Variants in ITGBL1 observed in about 807,000 individuals in gnomAD.
ITGBL1 encodes integrin beta-like protein 1.
Under a neutral mutation model 68.5 loss-of-function variants are expected in ITGBL1, and 51 were observed. The ratio of observed to expected loss-of-function variants is 0.74; its 90% CI spans 0.59 to 0.94. The LOEUF is 0.94. Among genes scored for constraint, ITGBL1 ranks in the 40% least tolerant of loss-of-function variants. The probability of loss-of-function intolerance (pLI) is 0.00; values close to 1 mark genes in which losing one functional copy is unlikely to be tolerated. For missense variants in ITGBL1, 649 were observed against 647.4 expected (o/e 1.00, Z -0.03); for synonymous variants, 209 against 227.3 (o/e 0.92, Z 0.72).
At chr13:101,596,664 C>T (rs1233822587) in intron 6 of ITGBL1, among the ~76,000 whole-genome samples, 4 of 151,946 alleles carry the variant, frequency 2.6e-5, no homozygotes, top group African/African-American at 4.8e-5. Context: ...CCAGTTTGAC[C>T]GTGGTTGTGA....
intron 8 of ITGBL1, among the ~76,000 whole-genome samples, chr13:101,702,175 C>T (rs1026793174): frequency 6.6e-6 from 1 of 152,016 alleles, no homozygotes; most frequent in Non-Finnish European, 1.5e-5. Context: ...TATTATTATC[C>T]TTTTAATGTC....
chr13:101,577,385 A>C lies in ITGBL1; in HGVS notation c.586+1839A>C, dbSNP rs548120522. Among the ~76,000 whole-genome samples, 209 of 152,278 alleles carry C rather than the reference A, an allele frequency of 1.4e-3. 2 individuals carry two copies. Among genetic ancestry groups the C allele is most frequent in the Non-Finnish European group, 2.6e-3 (176 of 68,008 alleles). On this transcript the variant is annotated intron_variant, in intron 4 of 10. Transcript: ENST00000376180. ...GTCCTAAAGCACACATTTTAATCTCAATTATTCAGATGTGTCTTGTTCAAT... is the reference window on the plus strand; with the variant it reads ...GTCCTAAAGCACACATTTTAATCTCCATTATTCAGATGTGTCTTGTTCAAT...
chr13:101,651,354 A>G (rs2032742605), intron 7 of ITGBL1, among the ~76,000 whole-genome samples: 1 of 152,144 alleles, frequency 6.6e-6, no homozygotes, highest in South Asian at 2.1e-4. Flanking sequence ...CTGGTACGAG[A>G]TGGTATCTCA....
Position 101,664,359 on chromosome 13 carries a change from T to G in ITGBL1, c.1016-28226T>G, listed in dbSNP as rs1451287075. ...CTTCCATAATGAACAATAGTCAAAA[T>G]GTATTATTTTGGGAAATCTTGAATC... On this transcript the variant is annotated intron_variant, in intron 7 of 10. Coordinates refer to ENST00000376180, the MANE Select transcript of ITGBL1 (RefSeq NM_004791.3). Among the ~76,000 whole-genome samples the G allele has an allele frequency of 2.6e-5, 4 of 152,166 alleles. No individual in the cohort carries two copies. The East Asian group carries it at 7.7e-4, about 29-fold the overall frequency.
chr13:101,462,665 C>T (rs922249347), intron 2 of ITGBL1, among the ~76,000 whole-genome samples: 3 of 152,148 alleles, frequency 2.0e-5, no homozygotes, highest in Non-Finnish European at 2.9e-5. Context: ...TCGCTGCAAC[C>T]TCCACCTCCC....
At chr13:101,560,714 C>G (rs1400198516) in intron 2 of ITGBL1, among the ~76,000 whole-genome samples, 1 of 152,118 alleles carries the variant, frequency 6.6e-6, no homozygotes, top group Non-Finnish European at 1.5e-5. Flanking sequence ...AGTAAACATT[C>G]CAAGTGGTTA....
Position 101,502,378 on chromosome 13 carries a change from T to C in ITGBL1, c.316+48278T>C, listed in dbSNP as rs79669289. 8.8e-3 allele frequency among the ~76,000 whole-genome samples: 1,343 copies of C among 152,304 alleles called. 6 individuals carry two copies. Among genetic ancestry groups the C allele is most frequent in the Non-Finnish European group, 0.015 (1,003 of 68,034 alleles). On this transcript the variant is annotated intron_variant, in intron 2 of 10. Transcript: ENST00000376180. ...CCATCCTAAGTTTGTTCTCACTCTC[T>C]TTCTTCAAAAGAGATCATTATCTTG...
intron 7 of ITGBL1, among the ~76,000 whole-genome samples, chr13:101,682,295 A>T (rs1280811631): frequency 6.6e-6 from 1 of 152,180 alleles, no homozygotes; most frequent in African/African-American, 2.4e-5. Flanking sequence ...ATTTTGTCTT[A>T]TACTTTAGAT....
intron 9 of ITGBL1, among the ~76,000 whole-genome samples, chr13:101,708,006 TCC>T (rs750627390): frequency 1.3e-5 from 2 of 149,620 alleles, no homozygotes; most frequent in African/African-American, 5.0e-5. Context: ...CTTCTCCATC[TCC>T]CATCCTACAC....
chr13:101,648,790 G>T (rs1388585307), intron 7 of ITGBL1, among the ~76,000 whole-genome samples: 2 of 152,022 alleles, frequency 1.3e-5, no homozygotes, highest in African/African-American at 2.4e-5. Flanking sequence ...TTCAAAAATT[G>T]ATCTACAGTA....
chr13:101,592,982 C>T (rs1433652852), intron 6 of ITGBL1, among the ~76,000 whole-genome samples: 1 of 151,854 alleles, frequency 6.6e-6, no homozygotes, highest in Non-Finnish European at 1.5e-5. Flanking sequence ...ACAAATAGAC[C>T]TACATAATGG....
intron 7 of ITGBL1, among the ~76,000 whole-genome samples, chr13:101,680,442 A>G (rs1325775687): frequency 6.6e-6 from 1 of 152,084 alleles, no homozygotes; most frequent in East Asian, 1.9e-4. Flanking sequence ...AAATAAGGTC[A>G]TGGAGAGTGT....
chr13:101,628,599 A>ATTT (rs34600896), intron 7 of ITGBL1, among the ~76,000 whole-genome samples: 7,090 of 140,654 alleles, frequency 0.05, 235 homozygotes, highest in East Asian at 0.17. Context: ...TACCCAGCTA[A>ATTT]TTTTTTTTTT....
At chr13:101,636,502 A>G (rs2032173372) in intron 7 of ITGBL1, among the ~76,000 whole-genome samples, 1 of 152,198 alleles carries the variant, frequency 6.6e-6, no homozygotes, top group South Asian at 2.1e-4. Context: ...TCAAACATGT[A>G]TAGACTATAG....
intron 2 of ITGBL1, among the ~76,000 whole-genome samples, chr13:101,503,753 A>C (rs2048981019): frequency 6.6e-6 from 1 of 152,154 alleles, no homozygotes; most frequent in Non-Finnish European, 1.5e-5. Context: ...AACTGTGGGG[A>C]AGTGATGAAT....
chr13:101,507,074 A>T (rs1727677404), intron 2 of ITGBL1, among the ~76,000 whole-genome samples: 3 of 152,208 alleles, frequency 2.0e-5, no homozygotes, highest in Admixed American at 2.0e-4. Flanking sequence ...AAAGGAATAC[A>T]TGTAGAGAAG....
intron 2 of ITGBL1, among the ~76,000 whole-genome samples, chr13:101,470,251 A>G (rs1002634233): frequency 6.6e-6 from 1 of 152,234 alleles, no homozygotes; most frequent in Non-Finnish European, 1.5e-5. Flanking sequence ...TTTCATATCC[A>G]TAAATAATTA....
chr13:101,479,002 G>A (rs1489762273), intron 2 of ITGBL1, among the ~76,000 whole-genome samples: 2 of 151,860 alleles, frequency 1.3e-5, no homozygotes, highest in African/African-American at 4.8e-5. Context: ...AATAACCAAA[G>A]CCATCTTGAG....
chr13:101,676,129 C>T (rs577861236), intron 7 of ITGBL1, among the ~76,000 whole-genome samples: 2 of 152,094 alleles, frequency 1.3e-5, no homozygotes, highest in South Asian at 4.1e-4. Flanking sequence ...TTTTTAATCT[C>T]TTTCTATTGT....
Sources: gnomAD v4.1 joint callset for allele counts (sites outside exome capture counted in the v4.1 genomes callset) on GRCh38, gnomAD v4.1.1 for gene constraint, MANE v1.5 for transcripts, NCBI Gene and HGNC (gene_info 2026-07-23, HGNC 2026-07-21) for gene names.